The following RALGPS2 variants were observed in gnomAD, a reference collection of about 807,000 sequenced individuals.
RALGPS2 encodes Ral GEF with PH domain and SH3 binding motif 2.
A neutral mutation model predicts 86.8 loss-of-function variants in RALGPS2; 43 were observed. The observed-to-expected ratio is 0.50, with a 90% CI of 0.39 to 0.64. The LOEUF is 0.64. Among genes scored for constraint, RALGPS2 ranks in the 30% least tolerant of loss-of-function variants. The pLI is 0.00. For synonymous variants in RALGPS2, 243 were observed against 231.3 expected, an observed-to-expected ratio of 1.05 and a Z score of -0.46; for missense variants, 536 against 694.6, an observed-to-expected ratio of 0.77 and a Z score of 2.57.
chr1:178,843,930 T>A (rs1176778359), intron 8 of RALGPS2, among the ~76,000 whole-genome samples: 1 of 152,226 alleles, frequency 6.6e-6, no homozygotes, highest in Non-Finnish European at 1.5e-5. Context: ...ATCCTTTTAA[T>A]GTAATGACTG....
intron 5 of RALGPS2, among the ~76,000 whole-genome samples, chr1:178,809,590 T>G (rs1654884118): frequency 6.6e-6 from 1 of 152,210 alleles, no homozygotes; most frequent in African/African-American, 2.4e-5. Flanking sequence ...AAATACTTTT[T>G]CTTGTGAGTC....
intron 17 of RALGPS2, among the ~76,000 whole-genome samples, chr1:178,901,371 A>G (rs557265390): frequency 6.6e-6 from 1 of 151,980 alleles, no homozygotes; most frequent in African/African-American, 2.4e-5. Context: ...TTAGTGTTTT[A>G]CCATGTACAC....
intron 1 of RALGPS2, among the ~76,000 whole-genome samples, chr1:178,755,268 G>A (rs1264021653): frequency 6.6e-6 from 1 of 152,028 alleles, no homozygotes; most frequent in African/African-American, 2.4e-5. Context: ...GAGGTTTGGG[G>A]TATGATTGAT....
At chr1:178,798,117 A>T (rs972980995) in intron 4 of RALGPS2, among the ~76,000 whole-genome samples, 1 of 152,194 alleles carries the variant, frequency 6.6e-6, no homozygotes, top group East Asian at 1.9e-4. Context: ...GATATATCCA[A>T]ATGTATTAAG....
intron 6 of RALGPS2, among the ~76,000 whole-genome samples, chr1:178,811,680 G>C (rs991320606): frequency 1.3e-5 from 2 of 152,080 alleles, no homozygotes; most frequent in African/African-American, 4.8e-5. Context: ...GTTGGATTAT[G>C]GTAAAGTATG....
chr1:178,732,147 G>C (rs1413546072), intron 1 of RALGPS2, among the ~76,000 whole-genome samples: 1 of 150,750 alleles, frequency 6.6e-6, no homozygotes, highest in Non-Finnish European at 1.5e-5. Flanking sequence ...ATGGGAATAT[G>C]TATTAGAGGT....
rs923411804 is a variant in RALGPS2 at position 178,874,363 on chromosome 1, A to G, written c.608-3135A>G. ...CAAAATCTTGTCTATTTTATATTCA[A>G]ATACACCTCAATTCAGAATAGACCC... On this transcript the variant is annotated intron_variant, in intron 8 of 19. Coordinates refer to ENST00000367635, the MANE Select transcript of RALGPS2 (RefSeq NM_152663.5). Among the ~76,000 whole-genome samples the G allele has an allele frequency of 1.3e-4, 20 of 152,178 alleles. 1 individual carries two copies. Among genetic ancestry groups the G allele is most frequent in the Admixed American group, 4.6e-4 (7 of 15,288 alleles).
chr1:178,773,489 A>G (rs1652906951), intron 1 of RALGPS2, among the ~76,000 whole-genome samples: 3 of 152,226 alleles, frequency 2.0e-5, no homozygotes. Flanking sequence ...AGGTCTTTGA[A>G]GGACGTACTA....
intron 14 of RALGPS2, among the ~76,000 whole-genome samples, chr1:178,891,976 G>A (rs569377637): frequency 6.6e-6 from 1 of 151,970 alleles, no homozygotes; most frequent in South Asian, 2.1e-4. Flanking sequence ...ATTTGTGAAA[G>A]TGAATGTATA....
rs1294117234 is a variant in RALGPS2 at position 178,833,491 on chromosome 1, A to G, written c.548A>G (p.Tyr183Cys). The change falls in exon 8 of 20, where the codon TAC (tyrosine) becomes TGC (cysteine). Residue 183 changes from tyrosine to cysteine, a missense_variant. Coordinates refer to ENST00000367635, the MANE Select transcript of RALGPS2 (RefSeq NM_152663.5). ...TATGTAATGAGTAAAGAAGATAACT[A>G]CAAAAGACTCAGAGACTATATAAGT... ...LEYVMSKEDNYKRLRDYISSL... is the reference protein window; with the variant it reads ...LEYVMSKEDNCKRLRDYISSL... 1 of 1,534,180 alleles carries G rather than the reference A, an allele frequency of 6.5e-7. No individual in the cohort carries two copies. The highest frequency in any genetic ancestry group is 8.7e-7 in the Non-Finnish European group (1 of 1,152,454).
chr1:178,780,131 A>G (rs1406400523), intron 2 of RALGPS2, among the ~76,000 whole-genome samples: 1 of 152,212 alleles, frequency 6.6e-6, no homozygotes. Flanking sequence ...TAACGTAATC[A>G]TGGAAGTGAC....
chr1:178,819,591 T>A (rs17724873), intron 6 of RALGPS2, among the ~76,000 whole-genome samples: 35,688 of 152,144 alleles, frequency 0.23, 4,937 homozygotes, highest in Non-Finnish European at 0.32. Flanking sequence ...GATTGCCAGC[T>A]TTGGTGTTCA....
At chr1:178,771,766 A>G (rs541222461) in intron 1 of RALGPS2, among the ~76,000 whole-genome samples, 1 of 152,172 alleles carries the variant, frequency 6.6e-6, no homozygotes, top group Non-Finnish European at 1.5e-5. Flanking sequence ...TTATGTTATA[A>G]TAATGATTAC....
rs1019810436 is a variant in RALGPS2 at position 178,921,383 on chromosome 1, T to C, written c.*5024T>C. On this transcript the variant is annotated 3_prime_UTR_variant, in exon 20 of 20. Transcript: ENST00000367635. The stretch of plus-strand genomic sequence containing the variant: ...ATGACCTACTAGAACTACTCACATA[T>C]ATAGTCCAATAATTACTGACTTAAT... The C allele has an allele frequency of 1.3e-5, 2 of 152,014 alleles. No homozygotes were observed. The highest frequency in any genetic ancestry group is 2.4e-5 in the African/African-American group (1 of 41,440). 9.4% of individuals were successfully genotyped at this position (152,014 alleles called of 1,614,324 possible).
intron 2 of RALGPS2, among the ~76,000 whole-genome samples, chr1:178,779,967 C>T (rs1011168838): frequency 1.4e-4 from 22 of 152,162 alleles, no homozygotes; most frequent in African/African-American, 5.3e-4. Flanking sequence ...TTCCTGACAT[C>T]AGGTGATCCA....
intron 17 of RALGPS2, among the ~76,000 whole-genome samples, chr1:178,901,251 G>T (rs1192680741): frequency 6.6e-6 from 1 of 152,046 alleles, no homozygotes; most frequent in African/African-American, 2.4e-5. Flanking sequence ...GGAACAGAAT[G>T]TTACTAGAAC....
Position 178,902,834 on chromosome 1 carries a change from G to C in RALGPS2, c.1630+623G>C, listed in dbSNP as rs192440521. 2.6e-5 allele frequency among the ~76,000 whole-genome samples: 4 copies of C among 152,124 alleles called. No individual in the cohort carries two copies. The East Asian group carries it at 7.7e-4, about 29-fold the overall frequency. ...TTTAATCCATAAGCAGCAAAACAGT[G>C]ACTTTCTGAATATATTTGGCTCAGA... is the stretch of plus-strand genomic sequence containing the variant. On this transcript the variant is annotated intron_variant, in intron 18 of 19. Transcript: ENST00000367635.
At chr1:178,727,631 T>A (rs1650101085) in intron 1 of RALGPS2, among the ~76,000 whole-genome samples, 1 of 152,228 alleles carries the variant, frequency 6.6e-6, no homozygotes, top group South Asian at 2.1e-4. Flanking sequence ...TGTGTGTTTT[T>A]AAATACCTGG....
At chr1:178,802,632 C>T (rs1236335006) in intron 4 of RALGPS2, among the ~76,000 whole-genome samples, 1 of 152,024 alleles carries the variant, frequency 6.6e-6, no homozygotes, top group Non-Finnish European at 1.5e-5. Flanking sequence ...AAGAGCAACA[C>T]GAGGTGGGTA....
Sources: allele counts gnomAD v4.1 joint callset (sites outside exome capture counted in the v4.1 genomes callset), GRCh38; gene constraint gnomAD v4.1.1; transcripts MANE v1.5; gene names NCBI Gene and HGNC (gene_info 2026-07-23, HGNC 2026-07-21).